The following PRKG2 variants were observed in gnomAD, a reference collection of about 807,000 sequenced individuals.
PRKG2 encodes the protein protein kinase cGMP-dependent 2.
PRKG2 carries 33 observed loss-of-function variants against 97.2 expected under a neutral mutation model. That is an observed-to-expected ratio of 0.34 (90% confidence interval 0.26 to 0.45). The LOEUF is 0.45. Ranked by LOEUF, PRKG2 falls within the 20% of genes least tolerant of loss-of-function variation. PRKG2 has a pLI of 1.00. For missense variants in PRKG2, 638 were observed against 900.0 expected (o/e 0.71, Z 3.73); for synonymous variants, 330 against 321.8 (o/e 1.03, Z -0.27).
intron 6 of PRKG2, among the ~76,000 whole-genome samples, chr4:81,160,177 CAT>C: frequency 6.6e-6 from 1 of 152,088 alleles, no homozygotes; most frequent in Admixed American, 6.5e-5. Context: ...TAATTGAAGA[CAT>C]AAAGAAAGCA....
At chr4:81,110,854 G>A (rs774674401) in intron 14 of PRKG2, among the ~76,000 whole-genome samples, 16 of 150,610 alleles carry the variant, frequency 1.1e-4, no homozygotes, top group African/African-American at 3.7e-4. Context: ...GTTGCACTGC[G>A]GAAAGTTCCA....
At chr4:81,150,247 T>C (rs945254645) in intron 8 of PRKG2, among the ~76,000 whole-genome samples, 12 of 152,196 alleles carry the variant, frequency 7.9e-5, no homozygotes, top group African/African-American at 2.2e-4. Flanking sequence ...CATGTCAGTA[T>C]CATGATTTTG....
chr4:81,172,200 T>G (rs1750543184), intron 3 of PRKG2, among the ~76,000 whole-genome samples: 4 of 152,144 alleles, frequency 2.6e-5, no homozygotes, highest in Admixed American at 2.0e-4. Context: ...AAGCAGTGGA[T>G]GGCAAGTGTT....
chr4:81,099,584 T>A (rs1742498952), intron 17 of PRKG2, among the ~76,000 whole-genome samples: 1 of 152,144 alleles, frequency 6.6e-6, no homozygotes, highest in Non-Finnish European at 1.5e-5. Context: ...GAGCTATCTA[T>A]GACAAACCCA....
intron 17 of PRKG2, among the ~76,000 whole-genome samples, chr4:81,100,880 A>G (rs1164131944): frequency 1.3e-5 from 2 of 152,222 alleles, no homozygotes; most frequent in African/African-American, 4.8e-5. Context: ...GAAAAAACAA[A>G]CAAGCCCATC....
chr4:81,166,130 G>T (rs1749964956), intron 6 of PRKG2, among the ~76,000 whole-genome samples: 1 of 152,122 alleles, frequency 6.6e-6, no homozygotes, highest in Non-Finnish European at 1.5e-5. Flanking sequence ...TGTCATCATG[G>T]TCTGTCCTTG....
At chr4:81,161,086 T>C (rs1749558889) in intron 6 of PRKG2, among the ~76,000 whole-genome samples, 1 of 152,230 alleles carries the variant, frequency 6.6e-6, no homozygotes, top group African/African-American at 2.4e-5. Context: ...CTGTTGTTTT[T>C]CAATACTTTC....
chr4:81,199,924 G>A (rs1753196753), intron 2 of PRKG2, among the ~76,000 whole-genome samples: 1 of 152,182 alleles, frequency 6.6e-6, no homozygotes, highest in Non-Finnish European at 1.5e-5. Context: ...TCTGAAGTCA[G>A]ATGGCAAGTC....
upstream of PRKG2, among the ~76,000 whole-genome samples, chr4:81,216,001 C>G (rs953298513): frequency 4.0e-5 from 6 of 151,848 alleles, no homozygotes; most frequent in Non-Finnish European, 1.5e-5. Context: ...CCCTTTCCTT[C>G]TGCCCCCAGA....
chr4:81,108,120 G>A (rs1172571290), intron 15 of PRKG2, among the ~76,000 whole-genome samples: 3 of 151,962 alleles, frequency 2.0e-5, no homozygotes, highest in Non-Finnish European at 1.5e-5. Context: ...CAGGAGAATC[G>A]CTTGAACTCG....
At chr4:81,109,991 C>T (rs984633716) in intron 15 of PRKG2, among the ~76,000 whole-genome samples, 7 of 152,114 alleles carry the variant, frequency 4.6e-5, no homozygotes, top group African/African-American at 1.7e-4. Context: ...AGAAATGGTG[C>T]TTTGTTCTAG....
intron 1 of PRKG2, among the ~76,000 whole-genome samples, chr4:81,207,549 C>CT (rs1317111961): frequency 6.6e-6 from 1 of 152,064 alleles, no homozygotes; most frequent in African/African-American, 2.4e-5. Context: ...TATGAAAAGG[C>CT]TTAGAATCAT....
At chr4:81,155,764 G>C (rs1468312319) in intron 6 of PRKG2, among the ~76,000 whole-genome samples, 2 of 151,578 alleles carry the variant, frequency 1.3e-5, no homozygotes, top group Non-Finnish European at 2.9e-5. Flanking sequence ...AAGAGAGTGG[G>C]GGCCAATATT....
intron 2 of PRKG2, 104 bp from the exon 3 acceptor site, chr4:81,175,063 T>C: frequency 4.4e-6 from 5 of 1,146,030 alleles, no homozygotes; most frequent in Non-Finnish European, 5.9e-6. Flanking sequence ...TACAAACTTA[T>C]AACTTTCTAG....
Position 81,167,407 on chromosome 4 carries a change from T to C in PRKG2, c.849-183A>G, listed in dbSNP as rs532530496. ...TGAATTTCATATACACTGGAAATTATAGATATATAATCACAGACATGTGCC... is the reference window on the plus strand; with the variant it reads ...TGAATTTCATATACACTGGAAATTACAGATATATAATCACAGACATGTGCC... On this transcript the variant is annotated intron_variant, in intron 5 of 18. Transcript: ENST00000264399. 6.6e-5 allele frequency among the ~76,000 whole-genome samples: 10 copies of C among 152,234 alleles called. No homozygotes were observed. In the South Asian group the frequency reaches 1.5e-3, roughly 22 times the overall value.
chr4:81,162,901 G>C (rs1578448541), intron 6 of PRKG2, among the ~76,000 whole-genome samples: 2 of 152,260 alleles, frequency 1.3e-5, no homozygotes, highest in South Asian at 4.2e-4. Flanking sequence ...TACCCACATG[G>C]AGCAGAAGAA....
chr4:81,121,776 T>C (rs778083814), intron 14 of PRKG2, among the ~76,000 whole-genome samples: 5 of 152,196 alleles, frequency 3.3e-5, no homozygotes, highest in Non-Finnish European at 4.4e-5. Context: ...TTTATTGATC[T>C]TTTCAAATAA....
chr4:81,135,335 C>T (rs1386617941), intron 13 of PRKG2, 39 bp from the exon 14 acceptor site: 5 of 1,598,758 alleles, frequency 3.1e-6, no homozygotes, highest in East Asian at 2.2e-5. Context: ...ACTTTGGATA[C>T]ACATCTTTGG....
intron 2 of PRKG2, among the ~76,000 whole-genome samples, chr4:81,203,598 A>G (rs1211091669): frequency 1.3e-5 from 2 of 152,168 alleles, no homozygotes; most frequent in East Asian, 1.9e-4. Flanking sequence ...TTTAATTTCA[A>G]TTAATAAATA....
Sources: allele counts gnomAD v4.1 joint callset (sites outside exome capture counted in the v4.1 genomes callset), GRCh38; gene constraint gnomAD v4.1.1; transcripts MANE v1.5; gene names NCBI Gene and HGNC (gene_info 2026-07-23, HGNC 2026-07-21).